CA10: variants seen among roughly 807,000 people sequenced by gnomAD.
The protein encoded by CA10 is carbonic anhydrase-related protein 10.
CA10 carries 14 observed loss-of-function variants against 44.2 expected under a neutral mutation model. That is an observed-to-expected ratio of 0.32 (90% CI 0.21 to 0.50). The LOEUF (loss-of-function observed/expected upper bound fraction) is 0.50. Among genes scored for constraint, CA10 ranks in the 20% least tolerant of loss-of-function variants. The pLI, the probability that CA10 is intolerant of heterozygous loss-of-function variation, is 0.99. For missense variants in CA10, 350 were observed against 409.7 expected, an observed-to-expected ratio of 0.85 and a Z score of 1.26; for synonymous variants, 159 against 141.6, an observed-to-expected ratio of 1.12 and a Z score of -0.87.
At chr17:51,908,676 C>G (rs1981665341) in intron 3 of CA10, among the ~76,000 whole-genome samples, 1 of 152,162 alleles carries the variant, frequency 6.6e-6, no homozygotes, top group South Asian at 2.1e-4. Context: ...TGACCACATT[C>G]ATTCCTGACT....
At position 51,707,729 on chromosome 17, in the gene CA10, A is replaced by G. The variant is rs192005679; in HGVS notation, c.465+39904T>C. 2.0e-4 allele frequency among the ~76,000 whole-genome samples: 26 copies of G among 130,536 alleles called. No individual in the cohort carries two copies. The East Asian group carries it at 4.6e-3, about 23-fold the overall frequency. 85.6% of individuals were successfully genotyped at this position (130,536 alleles called of 152,430 possible). A position where few individuals can be genotyped will look rare whatever the true frequency, so the allele number is the denominator to read the frequency against. On this transcript the variant is annotated intron_variant, in intron 4 of 8. Coordinates refer to ENST00000451037, the MANE Select transcript of CA10 (RefSeq NM_020178.5). ...TTTCTCATGTTCCTATCCTTAATCA[A>G]GAAAATGGAATCCCTTCTGGAAGAC...
intron 1 of CA10, among the ~76,000 whole-genome samples, chr17:52,093,245 T>C (rs1988317076): frequency 6.6e-6 from 1 of 152,190 alleles, no homozygotes; most frequent in East Asian, 1.9e-4. Context: ...TATATTAATT[T>C]ATTGAATTAA....
intron 4 of CA10, among the ~76,000 whole-genome samples, chr17:51,675,431 G>T (rs1230606488): frequency 6.6e-6 from 1 of 151,958 alleles, no homozygotes; most frequent in Non-Finnish European, 1.5e-5. Context: ...ATGGTGCTGG[G>T]TGCCTGTAGT....
chr17:51,878,450 A>G (rs1404066844), intron 3 of CA10, among the ~76,000 whole-genome samples: 1 of 152,086 alleles, frequency 6.6e-6, no homozygotes, highest in African/African-American at 2.4e-5. Flanking sequence ...AGTTTCTATT[A>G]CCTACCTGGC....
chr17:52,155,952 T>A (rs1257724343), intron 1 of CA10, among the ~76,000 whole-genome samples: 1 of 152,166 alleles, frequency 6.6e-6, no homozygotes, highest in Admixed American at 6.5e-5. Flanking sequence ...AATGCTTTTT[T>A]TGGAGGCTAA....
chr17:52,148,322 T>C (rs1989632461), intron 1 of CA10, among the ~76,000 whole-genome samples: 1 of 152,224 alleles, frequency 6.6e-6, no homozygotes, highest in African/African-American at 2.4e-5. Flanking sequence ...GGAACAGAGA[T>C]GACATGGAGA....
At chr17:51,988,667 A>G (rs746238307) in intron 2 of CA10, among the ~76,000 whole-genome samples, 36 of 152,114 alleles carry the variant, frequency 2.4e-4, no homozygotes, top group Admixed American at 6.6e-4. Context: ...CTTTATTTTT[A>G]CCTTTCTACT....
chr17:51,998,102 A>C (rs1274529644), intron 2 of CA10, among the ~76,000 whole-genome samples: 1 of 152,090 alleles, frequency 6.6e-6, no homozygotes, highest in Non-Finnish European at 1.5e-5. Context: ...CAGTGCAGAC[A>C]GACAGAGGAA....
At chr17:52,050,327 T>C (rs1334763295) in intron 2 of CA10, among the ~76,000 whole-genome samples, 3 of 152,032 alleles carry the variant, frequency 2.0e-5, no homozygotes, top group Non-Finnish European at 4.4e-5. Context: ...AGTCAATTTA[T>C]CGCTCTCTTT....
intron 3 of CA10, among the ~76,000 whole-genome samples, chr17:51,764,095 T>C (rs1276258458): frequency 6.6e-6 from 1 of 151,904 alleles, no homozygotes; most frequent in Non-Finnish European, 1.5e-5. Flanking sequence ...GGAGGCCTCC[T>C]AAAGAGATGT....
chr17:51,777,403 G>C (rs1259809008), intron 3 of CA10, among the ~76,000 whole-genome samples: 2 of 152,244 alleles, frequency 1.3e-5, no homozygotes, highest in African/African-American at 4.8e-5. Context: ...CAAAAATACA[G>C]TATTTGAGGG....
intron 4 of CA10, among the ~76,000 whole-genome samples, chr17:51,666,117 T>G (rs1028081418): frequency 6.6e-6 from 1 of 152,246 alleles, no homozygotes; most frequent in Admixed American, 6.5e-5. Flanking sequence ...CACTCATTGA[T>G]TCTTCCAACA....
At chr17:51,789,209 T>A (rs1274776699) in intron 3 of CA10, among the ~76,000 whole-genome samples, 1 of 151,934 alleles carries the variant, frequency 6.6e-6, no homozygotes, top group East Asian at 1.9e-4. Flanking sequence ...AGAGAGGGGG[T>A]TTCACCACGT....
chr17:51,696,041 T>A (rs1915392714), intron 4 of CA10, among the ~76,000 whole-genome samples: 1 of 152,212 alleles, frequency 6.6e-6, no homozygotes, highest in African/African-American at 2.4e-5. Context: ...AATTAACTTT[T>A]TAATGTGCTG....
chr17:52,087,134 GTAAT>G (rs895063137), intron 1 of CA10, among the ~76,000 whole-genome samples: 12 of 152,058 alleles, frequency 7.9e-5, no homozygotes, highest in East Asian at 5.8e-4. Flanking sequence ...ACCTTTTCTT[GTAAT>G]TAATTAATTA....
chr17:51,775,839 A>C (rs574616557), intron 3 of CA10, among the ~76,000 whole-genome samples: 2 of 152,250 alleles, frequency 1.3e-5, no homozygotes, highest in South Asian at 2.1e-4. Flanking sequence ...GGGAAGAATG[A>C]GGGATGATCT....
chr17:51,950,152 G>A (rs1598135084), intron 2 of CA10, among the ~76,000 whole-genome samples: 2 of 152,128 alleles, frequency 1.3e-5, no homozygotes, highest in East Asian at 3.9e-4. Context: ...TGCACTGGAT[G>A]CCTCTCTGTC....
At chr17:51,913,122 C>T (rs996841085) in intron 3 of CA10, among the ~76,000 whole-genome samples, 7 of 152,104 alleles carry the variant, frequency 4.6e-5, no homozygotes, top group Non-Finnish European at 8.8e-5. Flanking sequence ...ATTTCTTTCC[C>T]GTGCACAGGG....
At chr17:51,872,818 C>A (rs1480701129) in intron 3 of CA10, among the ~76,000 whole-genome samples, 1 of 152,198 alleles carries the variant, frequency 6.6e-6, no homozygotes, top group Admixed American at 6.5e-5. Flanking sequence ...TTCCAGGGAG[C>A]TTATTGTTAG....
Sources: gnomAD v4.1 joint callset for allele counts (sites outside exome capture counted in the v4.1 genomes callset) on GRCh38, gnomAD v4.1.1 for gene constraint, MANE v1.5 for transcripts, NCBI Gene and HGNC (gene_info 2026-07-23, HGNC 2026-07-21) for gene names.